TYK2: variants seen among roughly 807,000 people sequenced by gnomAD.
The protein encoded by TYK2 is non-receptor tyrosine-protein kinase TYK2.
TYK2 carries 65 observed loss-of-function variants against 130.9 expected under a neutral mutation model. The observed-to-expected ratio is 0.50, with a 90% CI of 0.41 to 0.61. The LOEUF (loss-of-function observed/expected upper bound fraction) is 0.61, where lower values mean the gene tolerates loss of function less well. Ranked by LOEUF, TYK2 falls within the 20% of genes least tolerant of loss-of-function variation. The pLI, the probability that TYK2 is intolerant of heterozygous loss-of-function variation, is 0.00. For missense variants in TYK2, 1,378 were observed against 1,610.7 expected (o/e 0.86, Z 2.47); for synonymous variants, 647 against 658.9 (o/e 0.98, Z 0.28).
At position 10,362,254 on chromosome 19, in the gene TYK2, A is replaced by G. The variant is rs536378862; in HGVS notation, c.1669+10T>C. 4.6e-5 allele frequency: 74 copies of G among 1,613,488 alleles called. 1 individual carries two copies. In the South Asian group the frequency reaches 5.8e-4, roughly 13 times the overall value. On this transcript the variant is annotated intron_variant, in intron 11 of 24. Coordinates refer to ENST00000525621, the MANE Select transcript of TYK2 (RefSeq NM_003331.5). The stretch of plus-strand genomic sequence containing the variant: ...CCACATCCCACCCAGAGGTCCCCCT[A>G]TCATCGTACCTCCTGGTTGGGGCAG...
intron 3 of TYK2, among the ~76,000 whole-genome samples, chr19:10,371,920 G>A (rs2041920602): frequency 6.6e-6 from 1 of 152,132 alleles, no homozygotes; most frequent in South Asian, 2.1e-4. Context: ...GAGCACATGA[G>A]CTGACTGTTT....
chr19:10,358,465 G>A (rs1050162191), intron 15 of TYK2, among the ~76,000 whole-genome samples: 1 of 151,634 alleles, frequency 6.6e-6, no homozygotes, highest in Admixed American at 6.6e-5. Flanking sequence ...TTAAATTTTT[G>A]GTGGAGATGG....
chr19:10,359,694 A>G (rs1021563712), intron 14 of TYK2, among the ~76,000 whole-genome samples: 23 of 150,704 alleles, frequency 1.5e-4, no homozygotes, highest in Non-Finnish European at 3.0e-4. Flanking sequence ...AAAAAAAAAA[A>G]TACAGCCGGG....
rs1355131193 is a variant in TYK2, at chr19:10,354,550, G to A, written c.2677C>T (p.His893Tyr). The change falls in exon 19 of 25, where the codon CAC becomes TAC. Residue 893 changes from histidine to tyrosine, a missense_variant. Physicochemically the swap from His to Tyr is moderately conservative, Grantham distance 83. Transcript: ENST00000525621. ...CGGATCTTTTTCAAATAGCGCTTGT[G>A]GAAAACCGTAGGGTCCGACGCCGGT... ...DSPASDPTVFHKRYLKKIRDL... is the reference protein window; with the variant it reads ...DSPASDPTVFYKRYLKKIRDL... 1 of 1,613,942 alleles carries A rather than the reference G, an allele frequency of 6.2e-7. No homozygotes were observed. The highest frequency in any genetic ancestry group is 8.5e-7 in the Non-Finnish European group (1 of 1,180,044).
rs2041623511 is a variant in TYK2 at position 10,365,626 on chromosome 19, G to A, written c.902C>T (p.Thr301Ile). 1.2e-6 allele frequency: 2 copies of A among 1,613,994 alleles called. No individual in the cohort carries two copies. The highest frequency in any genetic ancestry group is 2.2e-5 in the East Asian group (1 of 44,876). The change falls in exon 7 of 25, where the codon ACA (threonine) becomes ATA (isoleucine). Residue 301 changes from threonine (T) to isoleucine (I), a missense_variant. Thr to Ile is a moderately conservative substitution (Grantham distance 89). Coordinates refer to ENST00000525621, the MANE Select transcript of TYK2 (RefSeq NM_003331.5). Reference protein sequence around the residue: ...CYIRDSGVAPTDPGPESAAGP... With the variant: ...CYIRDSGVAPIDPGPESAAGP... ...AGCAGCAGACTCAGGGCCAGGGTCT[G>A]TAGGGGCCACCCCACTGTCCCGGAT...
In TYK2 at chr19:10,378,357, T is replaced by C. The variant is rs778732100; in HGVS notation, c.50A>G (p.Asp17Gly). ...CATGGCAGCCATGGGCTGGGCTCCATCCCCAACGGGCTTACTGCCCCTGGC... is the reference window on the plus strand; with the variant it reads ...CATGGCAGCCATGGGCTGGGCTCCACCCCCAACGGGCTTACTGCCCCTGGC... ...GMARGSKPVG[D>G]GAQPMAAMGG... Residue 17 changes from aspartate (D) to glycine (G), a missense_variant, in exon 3 of 25, where the codon GAT becomes GGT. By Grantham distance (94) the Asp-to-Gly change is moderately conservative. Coordinates refer to ENST00000525621, the MANE Select transcript of TYK2 (RefSeq NM_003331.5). The C allele has an allele frequency of 6.2e-7, 1 of 1,612,256 alleles. No individual in the cohort carries two copies.
intron 3 of TYK2, among the ~76,000 whole-genome samples, chr19:10,374,807 C>G (rs893803836): frequency 6.6e-6 from 1 of 151,304 alleles, no homozygotes; most frequent in Non-Finnish European, 1.5e-5. Flanking sequence ...CGCTAGAACC[C>G]GGGAGGCGGA....
chr19:10,376,437 A>G (rs1225655999), intron 3 of TYK2, among the ~76,000 whole-genome samples: 1 of 131,456 alleles, frequency 7.6e-6, no homozygotes, highest in Non-Finnish European at 1.5e-5. Flanking sequence ...CCTTCTGAGT[A>G]GCTGGGATTG....
intron 5 of TYK2, among the ~76,000 whole-genome samples, chr19:10,367,149 G>A (rs1291811246): frequency 6.6e-6 from 1 of 152,110 alleles, no homozygotes; most frequent in African/African-American, 2.4e-5. Flanking sequence ...GCAGTCCGCA[G>A]GCCAGGGGTT....
intron 3 of TYK2, chr19:10,369,844 C>A (rs949732559): frequency 2.4e-6 from 1 of 412,596 alleles, no homozygotes; most frequent in South Asian, 1.7e-5. Flanking sequence ...GAGATCAAGA[C>A]CATCTTGGCT....
intron 18 of TYK2, 39 bp downstream of exon 18, chr19:10,356,528 TC>T (rs1410779479): frequency 6.2e-7 from 1 of 1,610,250 alleles, no homozygotes; most frequent in South Asian, 1.1e-5. Context: ...CCCAGCCCCG[TC>T]CCACTTCCCC....
chr19:10,356,457 G>A, intron 18 of TYK2, 111 bp downstream of exon 18: 1 of 1,380,072 alleles, frequency 7.2e-7, no homozygotes. Flanking sequence ...GCAAGAAATT[G>A]GCACACACCC....
chr19:10,370,489 G>A (rs2041867895), intron 3 of TYK2, among the ~76,000 whole-genome samples: 1 of 149,374 alleles, frequency 6.7e-6, no homozygotes, highest in African/African-American at 2.5e-5. Flanking sequence ...ACTCCAGCCT[G>A]GCGACACAGC....
rs1220828887 is a variant in TYK2, at chr19:10,356,737, A to T, written c.2467-19T>A. 1 of 1,590,236 alleles carries T rather than the reference A, an allele frequency of 6.3e-7. No individual in the cohort carries two copies. Among genetic ancestry groups the T allele is most frequent in the African/African-American group, 1.3e-5 (1 of 74,564 alleles). Reference sequence around the variant, plus strand: ...GCTCCTTCTGTTGGGAAAGGGACCCAGAGGAGTCAACATCCTCCCCTCGCC... The same window carrying T: ...GCTCCTTCTGTTGGGAAAGGGACCCTGAGGAGTCAACATCCTCCCCTCGCC... On this transcript the variant is annotated intron_variant, in intron 17 of 24. Coordinates refer to ENST00000525621, the MANE Select transcript of TYK2 (RefSeq NM_003331.5).
chr19:10,352,850 C>T lies in TYK2; in HGVS notation c.3200+76G>A, dbSNP rs566872716. The T allele has an allele frequency of 5.0e-5, 75 of 1,499,368 alleles. 1 individual carries two copies. The South Asian group carries it at 8.6e-4, about 17-fold the overall frequency. 92.9% of individuals were successfully genotyped at this position (1,499,368 alleles called of 1,614,324 possible). On this transcript the variant is annotated intron_variant, in intron 22 of 24. Transcript: ENST00000525621. ...ACTGGGATCATGCCCTATCATGATA[C>T]CCAGCATCCGTCTACTCCACCCTGC... is the stretch of plus-strand genomic sequence containing the variant.
chr19:10,362,400 G>A lies in TYK2; in HGVS notation c.1533C>T (p.Asp511=), dbSNP rs774211784. Reference sequence around the variant, plus strand: ...CCCAGCCCTCCAGCACGAAGGCCCCGTCCTGCTGCTCAATGGGGAACTTTC... The same window carrying A: ...CCCAGCCCTCCAGCACGAAGGCCCCATCCTGCTGCTCAATGGGGAACTTTC... ...RLRKFPIEQQ[D]GAFVLEGWGR... Residue 511 remains aspartate, a synonymous_variant, in exon 11 of 25, where the codon GAC becomes GAT. Coordinates refer to ENST00000525621, the MANE Select transcript of TYK2 (RefSeq NM_003331.5). The A allele has an allele frequency of 9.3e-6, 15 of 1,613,104 alleles. No homozygotes were observed. Among genetic ancestry groups the A allele is most frequent in the Middle Eastern group, 1.6e-4 (1 of 6,074 alleles).
intron 3 of TYK2, among the ~76,000 whole-genome samples, chr19:10,375,402 G>C (rs2042078215): frequency 6.6e-6 from 1 of 151,902 alleles, no homozygotes; most frequent in South Asian, 2.1e-4. Context: ...TGGATCACTT[G>C]AGGTCAGAAG....
In TYK2 at chr19:10,350,676, A is replaced by G. The variant is rs1212164050; in HGVS notation, c.*158T>C. 1.2e-6 allele frequency: 1 copy of G among 838,376 alleles called. No individual in the cohort carries two copies. 51.9% of individuals were successfully genotyped at this position (838,376 alleles called of 1,614,324 possible). A position where few individuals can be genotyped will look rare whatever the true frequency, so the allele number is the denominator to read the frequency against. ...TTAGGCTCACGGCCAAGAAAGAAAAATAAGTTCACAGAGGTGGGGTCTCTA... is the reference window on the plus strand; with the variant it reads ...TTAGGCTCACGGCCAAGAAAGAAAAGTAAGTTCACAGAGGTGGGGTCTCTA... On this transcript the variant is annotated 3_prime_UTR_variant, in exon 25 of 25. Coordinates refer to ENST00000525621, the MANE Select transcript of TYK2 (RefSeq NM_003331.5).
rs1214718708 is a variant in TYK2, at chr19:10,362,641, C to A, written c.1384G>T (p.Ala462Ser). The change falls in exon 10 of 25, where the codon GCC becomes TCC. Residue 462 changes from alanine to serine, a missense_variant. Physicochemically the swap from Ala to Ser is moderately conservative, Grantham distance 99. Transcript: ENST00000525621. ...HGPLLEPFVQ[A>S]KLRPEDGLYL... ...AGGCCGTCCTCGGGCCGCAGCTTGG[C>A]CTGCACAAATGGCTCCCTGGAAGGT... 13 of 1,551,664 alleles carry A rather than the reference C, an allele frequency of 8.4e-6. No homozygotes were observed. The highest frequency in any genetic ancestry group is 1.1e-5 in the Non-Finnish European group (13 of 1,146,944).
Sources: allele counts gnomAD v4.1 joint callset (sites outside exome capture counted in the v4.1 genomes callset), GRCh38; gene constraint gnomAD v4.1.1; transcripts MANE v1.5; gene names NCBI Gene and HGNC (gene_info 2026-07-23, HGNC 2026-07-21).